CSMD2: variants seen among roughly 807,000 people sequenced by gnomAD.
The protein encoded by CSMD2 is CUB and Sushi multiple domains 2, also known as CUB and sushi domain-containing protein 2.
A neutral mutation model predicts 398.5 loss-of-function variants in CSMD2; 130 were observed. The ratio of observed to expected loss-of-function variants is 0.33; its 90% CI spans 0.28 to 0.38. The LOEUF is 0.38. CSMD2 is among the 10% of genes least tolerant of loss of function. The pLI, the probability that CSMD2 is intolerant of heterozygous loss-of-function variation, is 1.00. For synonymous variants in CSMD2, 1,828 were observed against 1,908.5 expected (o/e 0.96, Z 1.10); for missense variants, 3,829 against 4,764.9 (o/e 0.80, Z 5.78).
intron 1 of CSMD2, among the ~76,000 whole-genome samples, chr1:34,159,163 G>A (rs560234209): frequency 7.2e-5 from 11 of 152,330 alleles, no homozygotes; most frequent in Admixed American, 6.5e-4. Flanking sequence ...TCAGTTCACA[G>A]TCCTTTAGGG....
At chr1:33,837,188 G>T (rs1031569000) in intron 6 of CSMD2, among the ~76,000 whole-genome samples, 1 of 152,148 alleles carries the variant, frequency 6.6e-6, no homozygotes, top group Non-Finnish European at 1.5e-5. Flanking sequence ...AATCAGCCAT[G>T]AAATAAGCTC....
chr1:33,554,965 C>T (rs1178277122), intron 55 of CSMD2, among the ~76,000 whole-genome samples: 1 of 152,168 alleles, frequency 6.6e-6, no homozygotes, highest in Non-Finnish European at 1.5e-5. Context: ...ATAATTTTGA[C>T]TTTCAAGTCT....
chr1:33,746,636 G>A (rs1211531779), intron 13 of CSMD2, among the ~76,000 whole-genome samples: 1 of 152,076 alleles, frequency 6.6e-6, no homozygotes, highest in South Asian at 2.1e-4. Context: ...GCTGTTGATG[G>A]TCAGTCCTTC....
chr1:34,035,751 A>G (rs1254897487), intron 2 of CSMD2, among the ~76,000 whole-genome samples: 1 of 151,742 alleles, frequency 6.6e-6, no homozygotes, highest in African/African-American at 2.4e-5. Flanking sequence ...AAAAAAAAAA[A>G]CAGTAGCTGA....
At chr1:34,025,191 C>T (rs1649474658) in intron 3 of CSMD2, among the ~76,000 whole-genome samples, 1 of 152,212 alleles carries the variant, frequency 6.6e-6, no homozygotes, top group Admixed American at 6.5e-5. Context: ...CCTGTTGCAA[C>T]ACGCTGTGGT....
At chr1:34,102,352 A>G (rs191154241) in intron 1 of CSMD2, among the ~76,000 whole-genome samples, 6 of 152,274 alleles carry the variant, frequency 3.9e-5, no homozygotes, top group Admixed American at 2.6e-4. Context: ...TTCTATAGGC[A>G]GTCACATTTA....
intron 31 of CSMD2, among the ~76,000 whole-genome samples, chr1:33,634,575 CTGA>C (rs1642680929): frequency 6.6e-6 from 1 of 152,184 alleles, no homozygotes; most frequent in South Asian, 2.1e-4. Context: ...CTTCATCTTC[CTGA>C]ATGCCTCCAA....
chr1:33,880,146 G>C, intron 5 of CSMD2, among the ~76,000 whole-genome samples: 1 of 152,118 alleles, frequency 6.6e-6, no homozygotes, highest in Non-Finnish European at 1.5e-5. Flanking sequence ...CTAATTTAAT[G>C]TCATTGTATA....
intron 40 of CSMD2, among the ~76,000 whole-genome samples, chr1:33,611,583 T>C (rs1274222658): frequency 6.6e-6 from 1 of 152,270 alleles, no homozygotes; most frequent in Non-Finnish European, 1.5e-5. Context: ...AGCATAAAGA[T>C]AGTTTTGCTA....
At chr1:33,803,782 T>C (rs1441907059) in intron 10 of CSMD2, among the ~76,000 whole-genome samples, 3 of 152,230 alleles carry the variant, frequency 2.0e-5, no homozygotes, top group Admixed American at 6.5e-5. Context: ...TATCCACCTC[T>C]AAACTTCTCC....
intron 12 of CSMD2, 136 bp from the exon 13 acceptor site, chr1:33,772,887 G>A (rs1651473934): frequency 2.9e-6 from 2 of 691,118 alleles, no homozygotes; most frequent in Non-Finnish European, 4.8e-6. Flanking sequence ...AGGATTCAAC[G>A]TTCTTATAAG....
At chr1:33,720,566 A>G (rs901386308) in intron 19 of CSMD2, among the ~76,000 whole-genome samples, 4 of 152,236 alleles carry the variant, frequency 2.6e-5, no homozygotes, top group African/African-American at 9.6e-5. Context: ...GTAAAGCTCT[A>G]GAGGAGAAGG....
intron 42 of CSMD2, among the ~76,000 whole-genome samples, chr1:33,604,362 C>T (rs528707395): frequency 1.9e-4 from 29 of 152,332 alleles, no homozygotes; most frequent in South Asian, 1.9e-3. Flanking sequence ...AACACCAGAA[C>T]GGCTCAGTTT....
intron 64 of CSMD2, among the ~76,000 whole-genome samples, chr1:33,527,863 C>T (rs1654914697): frequency 6.6e-6 from 1 of 150,688 alleles, no homozygotes; most frequent in Non-Finnish European, 1.5e-5. Context: ...ATGGTGTGAA[C>T]CTGGGAGGCG....
rs139595206 is a variant in CSMD2 at position 33,800,798 on chromosome 1, C to T, written c.1447-8272G>A. On this transcript the variant is annotated intron_variant, in intron 10 of 70. Transcript: ENST00000373381. The stretch of plus-strand genomic sequence containing the variant: ...GAGGGGAAATGCCAGCACATGATTT[C>T]GAGACAGCTGTAAAAGGGAAAGGAA... Among the ~76,000 whole-genome samples, 641 of 152,202 alleles carry T rather than the reference C, an allele frequency of 4.2e-3. 4 individuals carry two copies. The highest frequency in any genetic ancestry group is 8.8e-3 in the Admixed American group (135 of 15,292).
At chr1:33,756,116 C>T (rs1480285241) in intron 13 of CSMD2, among the ~76,000 whole-genome samples, 1 of 152,208 alleles carries the variant, frequency 6.6e-6, no homozygotes, top group Non-Finnish European at 1.5e-5. Context: ...AAGCTTTCCT[C>T]TCTACCTGGC....
At chr1:33,758,151 C>G (rs1649306827) in intron 13 of CSMD2, among the ~76,000 whole-genome samples, 1 of 152,216 alleles carries the variant, frequency 6.6e-6, no homozygotes, top group Non-Finnish European at 1.5e-5. Context: ...CTATTGCACC[C>G]TACACTCCAG....
At chr1:33,707,154 G>A (rs1383570970) in intron 22 of CSMD2, among the ~76,000 whole-genome samples, 2 of 152,140 alleles carry the variant, frequency 1.3e-5, no homozygotes, top group African/African-American at 4.8e-5. Context: ...AGGAAGCATG[G>A]GCACTGGCCA....
In CSMD2 at chr1:34,164,612, G is replaced by A. The variant is rs912338159; in HGVS notation, c.187+299C>T. On this transcript the variant is annotated intron_variant, in intron 1 of 70. Transcript: ENST00000373381. The surrounding 1 kb of genome is among the most constrained non-coding windows in gnomAD (Gnocchi z 6.2). The stretch of plus-strand genomic sequence containing the variant: ...TGGAGAAACTGAAGCCACAGACCAG[G>A]TGCCCCGCAACCCCGGGCGGGGATG... 6.6e-6 allele frequency among the ~76,000 whole-genome samples: 1 copy of A among 152,112 alleles called. No homozygotes were observed. The highest frequency in any genetic ancestry group is 1.5e-5 in the Non-Finnish European group (1 of 68,010).
Sources: gnomAD v4.1 joint callset for allele counts (sites outside exome capture counted in the v4.1 genomes callset) on GRCh38, gnomAD v4.1.1 for gene constraint, Gnocchi (gnomAD v3.1) non-coding constraint, MANE v1.5 for transcripts, NCBI Gene and HGNC (gene_info 2026-07-23, HGNC 2026-07-21) for gene names.